PRDM16: variants seen among roughly 807,000 people sequenced by gnomAD.
PRDM16 encodes the protein PR/SET domain 16.
PRDM16 carries 23 observed loss-of-function variants against 110.6 expected under a neutral mutation model. The observed-to-expected ratio is 0.21, with a 90% CI of 0.15 to 0.29. The LOEUF (loss-of-function observed/expected upper bound fraction) is 0.29. PRDM16 is among the 10% of genes least tolerant of loss of function. PRDM16 has a pLI of 1.00. For missense variants in PRDM16, 1,615 were observed against 1,794.3 expected (o/e 0.90, Z 1.81); for synonymous variants, 799 against 781.8 (o/e 1.02, Z -0.37).
At chr1:3,433,247 G>A (rs560475796) in intron 16 of PRDM16, among the ~76,000 whole-genome samples, 113 of 152,356 alleles carry the variant, frequency 7.4e-4, no homozygotes, top group Middle Eastern at 3.4e-3. Context: ...AGCAGGGGGC[G>A]GCCCTCGTCC....
chr1:3,173,090 C>T (rs946913321), intron 1 of PRDM16, among the ~76,000 whole-genome samples: 3 of 152,190 alleles, frequency 2.0e-5, no homozygotes, highest in African/African-American at 4.8e-5. Flanking sequence ...AGAGGCACCC[C>T]GCTCTGCTGC....
intron 1 of PRDM16, among the ~76,000 whole-genome samples, chr1:3,137,845 C>G (rs1026969034): frequency 7.2e-5 from 11 of 152,254 alleles, no homozygotes; most frequent in Admixed American, 5.2e-4. Context: ...GGTCCCTGAC[C>G]TCACGAGCCA....
At chr1:3,142,558 C>T (rs1047672197) in intron 1 of PRDM16, among the ~76,000 whole-genome samples, 5 of 152,288 alleles carry the variant, frequency 3.3e-5, no homozygotes, top group East Asian at 1.9e-4. Flanking sequence ...CATCCAAAGG[C>T]GTGTGGCACC....
intron 1 of PRDM16, among the ~76,000 whole-genome samples, chr1:3,146,209 C>T (rs924334498): frequency 3.3e-5 from 5 of 152,222 alleles, no homozygotes; most frequent in African/African-American, 9.6e-5. Flanking sequence ...TCCTTACCCT[C>T]GGAGGGTGGA....
intron 1 of PRDM16, among the ~76,000 whole-genome samples, chr1:3,134,259 A>G (rs576718538): frequency 3.9e-5 from 6 of 152,278 alleles, no homozygotes; most frequent in African/African-American, 1.4e-4. Flanking sequence ...CCGGAGCGCC[A>G]TTCAGCTGGG....
chr1:3,394,443 C>T lies in PRDM16; in HGVS notation c.574-2048C>T, dbSNP rs1286456740. 3 of 447,932 alleles carry T rather than the reference C, an allele frequency of 6.7e-6. No homozygotes were observed. The East Asian group carries it at 2.2e-4, about 33-fold the overall frequency. The allele number at this position is 447,932 out of a possible 1,614,324, so 27.7% of individuals were successfully genotyped here. A position where few individuals can be genotyped will look rare whatever the true frequency, so the allele number is the denominator to read the frequency against. ...GAGAAGCAGGGAGTGCGGGAGGATG[C>T]CCGAGGTCTCACGTCAGGACCCTCG... is the stretch of plus-strand genomic sequence containing the variant. On this transcript the variant is annotated intron_variant, in intron 4 of 16. Transcript: ENST00000270722.
chr1:3,158,700 T>C (rs1394494321), intron 1 of PRDM16, among the ~76,000 whole-genome samples: 1 of 151,858 alleles, frequency 6.6e-6, no homozygotes. Context: ...TCTCTTTTTT[T>C]CTCTTTCTTT....
intron 1 of PRDM16, among the ~76,000 whole-genome samples, chr1:3,184,765 C>T (rs1200098532): frequency 6.6e-6 from 1 of 152,206 alleles, no homozygotes; most frequent in East Asian, 1.9e-4. Context: ...TCTCTGGGGG[C>T]CTGTGCTGGA....
chr1:3,226,977 T>C lies in PRDM16; in HGVS notation c.388-17110T>C, dbSNP rs572397583. On this transcript the variant is annotated intron_variant, in intron 2 of 16. Transcript: ENST00000270722. ...TGCTAATTGGATTGGTTAATGTTAG[T>C]TAATAAAGCACTTTAAGGATAGGCA... Among the ~76,000 whole-genome samples, 4 of 152,368 alleles carry C rather than the reference T, an allele frequency of 2.6e-5. No individual in the cohort carries two copies. The East Asian group carries it at 7.7e-4, about 29-fold the overall frequency.
chr1:3,231,204 C>T (rs1273391593), intron 2 of PRDM16, among the ~76,000 whole-genome samples: 1 of 152,184 alleles, frequency 6.6e-6, no homozygotes, highest in Non-Finnish European at 1.5e-5. Context: ...ACGTAAAAGC[C>T]GCCCATCCTG....
chr1:3,292,318 C>G (rs1054114516), intron 3 of PRDM16, among the ~76,000 whole-genome samples: 3 of 152,208 alleles, frequency 2.0e-5, no homozygotes, highest in Non-Finnish European at 4.4e-5. Flanking sequence ...ACGGCAGGCC[C>G]GGGCTTTCCA....
intron 1 of PRDM16, among the ~76,000 whole-genome samples, chr1:3,104,330 G>C (rs1294049608): frequency 2.0e-5 from 3 of 152,204 alleles, no homozygotes; most frequent in Non-Finnish European, 4.4e-5. Flanking sequence ...GGAGCTGGGA[G>C]GGGTGGGGTT....
intron 3 of PRDM16, among the ~76,000 whole-genome samples, chr1:3,299,371 A>C (rs1239959490): frequency 2.3e-5 from 2 of 86,146 alleles, no homozygotes; most frequent in Admixed American, 1.6e-4. Flanking sequence ...GTGATGTTTC[A>C]GATCCCAGTT....
intron 1 of PRDM16, among the ~76,000 whole-genome samples, chr1:3,130,632 C>T (rs74050123): frequency 0.012 from 1,770 of 152,238 alleles, 29 homozygotes; most frequent in African/African-American, 0.041. Flanking sequence ...CAGCTCTGCG[C>T]TTTCTGTAAC....
At chr1:3,177,712 T>C (rs920846291) in intron 1 of PRDM16, among the ~76,000 whole-genome samples, 1 of 152,254 alleles carries the variant, frequency 6.6e-6, no homozygotes, top group Non-Finnish European at 1.5e-5. Context: ...CGAACAGCTG[T>C]GTGGTCAACC....
intron 3 of PRDM16, among the ~76,000 whole-genome samples, chr1:3,335,276 C>A (rs1258763222): frequency 6.6e-6 from 1 of 152,204 alleles, no homozygotes; most frequent in Non-Finnish European, 1.5e-5. Context: ...GAGGAAGGCA[C>A]TTCAAAGGAG....
At chr1:3,408,350 G>A (rs1047054594) in intron 8 of PRDM16, among the ~76,000 whole-genome samples, 12 of 152,328 alleles carry the variant, frequency 7.9e-5, no homozygotes, top group South Asian at 2.1e-4. Context: ...ATGGGTGTAA[G>A]AGAAGGGGTG....
chr1:3,311,700 G>A (rs911645375), intron 3 of PRDM16, among the ~76,000 whole-genome samples: 2 of 152,262 alleles, frequency 1.3e-5, no homozygotes, highest in Non-Finnish European at 2.9e-5. Flanking sequence ...GCCCGACCCC[G>A]AAGGCACCCC....
At chr1:3,430,220 G>A (rs1001353489) in intron 14 of PRDM16, among the ~76,000 whole-genome samples, 10 of 152,174 alleles carry the variant, frequency 6.6e-5, no homozygotes, top group African/African-American at 1.4e-4. Flanking sequence ...ACCCATGCAC[G>A]CTTTGTTCTT....
Sources: allele counts gnomAD v4.1 joint callset (sites outside exome capture counted in the v4.1 genomes callset), GRCh38; gene constraint gnomAD v4.1.1; transcripts MANE v1.5; gene names NCBI Gene and HGNC (gene_info 2026-07-23, HGNC 2026-07-21).